OR8H2: variants seen among roughly 807,000 people sequenced by gnomAD.
The protein encoded by OR8H2 is olfactory receptor 8H2.
For synonymous variants in OR8H2, 157 were observed against 139.2 expected (o/e 1.13, Z -0.90); for missense variants, 374 against 371.1 (o/e 1.01, Z -0.06).
Position 56,103,850 on chromosome 11 carries a change from T to A in OR8H2, c.-309T>A, listed in dbSNP as rs1854011823. 6.6e-6 allele frequency: 1 copy of A among 152,090 alleles called. No homozygotes were observed. The highest frequency in any genetic ancestry group is 6.6e-5 in the Admixed American group (1 of 15,248). 9.4% of individuals were successfully genotyped at this position (152,090 alleles called of 1,614,324 possible). On this transcript the variant is annotated 5_prime_UTR_variant, in exon 1 of 2. Transcript: ENST00000313503. ...TACACCAAAATGTAAAAACAACTTA[T>A]CTCAAGTAAAATAAATATTATAAAA...
Position 56,104,991 on chromosome 11 carries a change from C to G in OR8H2, c.-52C>G. The G allele has an allele frequency of 6.8e-7, 1 of 1,459,996 alleles. No homozygotes were observed. Among genetic ancestry groups the G allele is most frequent in the Non-Finnish European group, 9.3e-7 (1 of 1,071,678 alleles). 90.4% of individuals were successfully genotyped at this position (1,459,996 alleles called of 1,614,324 possible). On this transcript the variant is annotated 5_prime_UTR_variant, in exon 2 of 2. Coordinates refer to ENST00000313503, the MANE Select transcript of OR8H2 (RefSeq NM_001386064.1). ...CTTCTCCAGTAGCTGGGATTACAGG[C>G]GCCCCTGCTACGTATCAGCTTTGAT...
chr11:56,104,598 T>C (rs773936457), intron 1 of OR8H2, among the ~76,000 whole-genome samples: 8 of 152,180 alleles, frequency 5.3e-5, no homozygotes, highest in Non-Finnish European at 8.8e-5. Context: ...TAAGGTATAC[T>C]ATTTTCAGGT....
Position 56,107,247 on chromosome 11 carries a change from T to C in OR8H2, c.*1266T>C, listed in dbSNP as rs1334133191. On this transcript the variant is annotated 3_prime_UTR_variant, in exon 2 of 2. Transcript: ENST00000313503. ...CTGGATTTCTGTAATGTGTCAAATG[T>C]GTCAAATTGCTTCTTTGTTAAAATC... 6 of 152,122 alleles carry C rather than the reference T, an allele frequency of 3.9e-5. No homozygotes were observed. The highest frequency in any genetic ancestry group is 2.0e-4 in the Admixed American group (3 of 15,294). The allele number at this position is 152,122 out of a possible 1,614,324, so 9.4% of individuals were successfully genotyped here.
rs760556066 is a variant in OR8H2 at position 56,105,220 on chromosome 11, A to T, written c.178A>T (p.Met60Leu). 1 of 1,614,136 alleles carries T rather than the reference A, an allele frequency of 6.2e-7. No homozygotes were observed. Among genetic ancestry groups the T allele is most frequent in the Admixed American group, 1.7e-5 (1 of 59,998 alleles). ...IRLDLQLHTP[M>L]YFFLTHLSFI... ...CCTGGACCTCCAGCTTCACACTCCC[A>T]TGTATTTTTTCCTTACTCACCTGTC... Residue 60 changes from methionine to leucine, a missense_variant, in exon 2 of 2, where the codon ATG becomes TTG. Physicochemically the swap from Met to Leu is conservative, Grantham distance 15. Coordinates refer to ENST00000313503, the MANE Select transcript of OR8H2 (RefSeq NM_001386064.1).
chr11:56,106,779 T>A lies in OR8H2; in HGVS notation c.*798T>A, dbSNP rs1854060492. On this transcript the variant is annotated 3_prime_UTR_variant, in exon 2 of 2. Transcript: ENST00000313503. ...AATTAAGTTATAGAAAAATAGCCTA[T>A]ATTAAGATAATGTTGGAGAAAATTT... 1 of 152,022 alleles carries A rather than the reference T, an allele frequency of 6.6e-6. No individual in the cohort carries two copies. The highest frequency in any genetic ancestry group is 6.6e-5 in the Admixed American group (1 of 15,266). The allele number at this position is 152,022 out of a possible 1,614,324, so 9.4% of individuals were successfully genotyped here.
chr11:56,104,841 T>G, intron 1 of OR8H2, 31 bp from the exon 2 acceptor site: 1 of 437,402 alleles, frequency 2.3e-6, no homozygotes, highest in Non-Finnish European at 4.0e-6. Context: ...CAGAAAGTTT[T>G]TTTTTGTTTG....
Position 56,106,976 on chromosome 11 carries a change from T to A in OR8H2, c.*995T>A, listed in dbSNP as rs1050228351. On this transcript the variant is annotated 3_prime_UTR_variant, in exon 2 of 2. Transcript: ENST00000313503. ...TGTGCATGTTCTTCTAGATCAATAG[T>A]TTCAAATATGTGCATGTATATAACA... is the stretch of plus-strand genomic sequence containing the variant. 6 of 151,950 alleles carry A rather than the reference T, an allele frequency of 3.9e-5. No individual in the cohort carries two copies. The highest frequency in any genetic ancestry group is 1.4e-4 in the African/African-American group (6 of 41,428). The allele number at this position is 151,950 out of a possible 1,614,324, so 9.4% of individuals were successfully genotyped here.
rs796764435 is a variant in OR8H2, at chr11:56,105,622, A to G, written c.580A>G (p.Asn194Asp). The G allele has an allele frequency of 1.9e-6, 3 of 1,614,150 alleles. No homozygotes were observed. The highest frequency in any genetic ancestry group is 2.5e-6 in the Non-Finnish European group (3 of 1,179,986). Residue 194 changes from asparagine (N) to aspartate (D), a missense_variant, in exon 2 of 2, where the codon AAC becomes GAC. By Grantham distance (23) the Asn-to-Asp change is conservative. Transcript: ENST00000313503. ...ILALSCTDTY[N>D]TEILIFIIVG... ...AGCTCTGTCCTGCACTGATACATAC[A>G]ACACCGAAATCCTGATATTCATTAT...
rs1217116874 is a variant in OR8H2, at chr11:56,103,705, T to C, written c.-454T>C. On this transcript the variant is annotated 5_prime_UTR_variant, in exon 1 of 2. Transcript: ENST00000313503. ...TGAGAGGGAAAGAATAATCTCCTTG[T>C]GGTCACAGTAGCTGCTGGTCTTCTT... 6.6e-6 allele frequency: 1 copy of C among 152,174 alleles called. No individual in the cohort carries two copies. Among genetic ancestry groups the C allele is most frequent in the Non-Finnish European group, 1.5e-5 (1 of 68,046 alleles). 9.4% of individuals were successfully genotyped at this position (152,174 alleles called of 1,614,324 possible).
rs1337049334 is a variant in OR8H2, at chr11:56,106,193, C to T, written c.*212C>T. 2.4e-6 allele frequency: 1 copy of T among 409,244 alleles called. No homozygotes were observed. Among genetic ancestry groups the T allele is most frequent in the African/African-American group, 2.0e-5 (1 of 48,866 alleles). The allele number at this position is 409,244 out of a possible 1,614,324, so 25.4% of individuals were successfully genotyped here. On this transcript the variant is annotated 3_prime_UTR_variant, in exon 2 of 2. Coordinates refer to ENST00000313503, the MANE Select transcript of OR8H2 (RefSeq NM_001386064.1). ...TAATTAGAAATCATAATATGTGTGT[C>T]ATGTTTTCAGTCTACATATATGTGT... is the stretch of plus-strand genomic sequence containing the variant.
In OR8H2 at chr11:56,107,133, C is replaced by T. The variant is rs1479312888; in HGVS notation, c.*1152C>T. On this transcript the variant is annotated 3_prime_UTR_variant, in exon 2 of 2. Coordinates refer to ENST00000313503, the MANE Select transcript of OR8H2 (RefSeq NM_001386064.1). Reference sequence around the variant, plus strand: ...GGTACATGGACAAAATCAAGACTCACTTCACAATGTTTTGGACTTGAAATA... The same window carrying T: ...GGTACATGGACAAAATCAAGACTCATTTCACAATGTTTTGGACTTGAAATA... The T allele has an allele frequency of 2.6e-5, 4 of 151,930 alleles. No individual in the cohort carries two copies. Among genetic ancestry groups the T allele is most frequent in the Non-Finnish European group, 4.4e-5 (3 of 67,832 alleles). The allele number at this position is 151,930 out of a possible 1,614,324, so 9.4% of individuals were successfully genotyped here.
rs1481889186 is a variant in OR8H2, at chr11:56,107,118, C to A, written c.*1137C>A. The A allele has an allele frequency of 1.3e-5, 2 of 151,844 alleles. No homozygotes were observed. The highest frequency in any genetic ancestry group is 2.9e-5 in the Non-Finnish European group (2 of 67,798). The allele number at this position is 151,844 out of a possible 1,614,324, so 9.4% of individuals were successfully genotyped here. A position where few individuals can be genotyped will look rare whatever the true frequency, so the allele number is the denominator to read the frequency against. On this transcript the variant is annotated 3_prime_UTR_variant, in exon 2 of 2. Coordinates refer to ENST00000313503, the MANE Select transcript of OR8H2 (RefSeq NM_001386064.1). ...TATAAATTTTTTCTTGGTACATGGA[C>A]AAAATCAAGACTCACTTCACAATGT...
rs147828358 is a variant in OR8H2, at chr11:56,105,621, C to T, written c.579C>T (p.Tyr193=). The change falls in exon 2 of 2, where the codon TAC becomes TAT. Residue 193 remains tyrosine, a synonymous_variant. Transcript: ENST00000313503. ...TAGCTCTGTCCTGCACTGATACATA[C>T]AACACCGAAATCCTGATATTCATTA... The part of the protein sequence containing the change: ...PILALSCTDT[Y]NTEILIFIIV... 2.5e-6 allele frequency: 4 copies of T among 1,614,112 alleles called. No homozygotes were observed. The highest frequency in any genetic ancestry group is 3.4e-6 in the Non-Finnish European group (4 of 1,179,946).
Position 56,105,403 on chromosome 11 carries a change from G to T in OR8H2, c.361G>T (p.Asp121Tyr). Residue 121 changes from aspartate to tyrosine, a missense_variant, in exon 2 of 2, where the codon GAT becomes TAT. Transcript: ENST00000313503. ...ECYLLSSMAH[D>Y]RYAAICSPLH... ...TTACCTTCTCTCCTCAATGGCCCAT[G>T]ATCGCTATGCAGCGATCTGCAGTCC... The T allele has an allele frequency of 6.2e-7, 1 of 1,614,040 alleles. No homozygotes were observed. Among genetic ancestry groups the T allele is most frequent in the Non-Finnish European group, 8.5e-7 (1 of 1,180,022 alleles).
chr11:56,105,292 G>A lies in OR8H2; in HGVS notation c.250G>A (p.Ala84Thr). The change falls in exon 2 of 2, where the codon GCG becomes ACG. Residue 84 changes from alanine to threonine, a missense_variant. Coordinates refer to ENST00000313503, the MANE Select transcript of OR8H2 (RefSeq NM_001386064.1). ...AACTGTCGTCACACCTAAAACCTTA[G>A]CGAACTTACTGACTTCCAACTATAT... is the stretch of plus-strand genomic sequence containing the variant. Reference protein sequence around the residue: ...YSTVVTPKTLANLLTSNYISF... With the variant: ...YSTVVTPKTLTNLLTSNYISF... The A allele has an allele frequency of 6.2e-7, 1 of 1,614,124 alleles. No individual in the cohort carries two copies. Among genetic ancestry groups the A allele is most frequent in the Non-Finnish European group, 8.5e-7 (1 of 1,180,026 alleles).
rs762809199 is a variant in OR8H2 at position 56,105,372 on chromosome 11, T to G, written c.330T>G (p.Ala110=). 3.1e-6 allele frequency: 5 copies of G among 1,614,098 alleles called. No individual in the cohort carries two copies. In the African/African-American group the frequency reaches 6.7e-5, roughly 22 times the overall value. The change falls in exon 2 of 2, where the codon GCT becomes GCG. Residue 110 remains alanine (A), a synonymous_variant. Transcript: ENST00000313503. ...QMFFFAFLGT[A]ECYLLSSMAH... ...TCTTTTTTGCCTTCTTGGGTACTGC[T>G]GAATGTTACCTTCTCTCCTCAATGG...
At position 56,105,821 on chromosome 11, in the gene OR8H2, T is replaced by A. The variant is rs1565047171; in HGVS notation, c.779T>A (p.Leu260Ter). The change falls in exon 2 of 2, where the codon TTA becomes TAA. Residue 260 changes from leucine to a stop codon, truncating the protein, a stop_gained. Coordinates refer to ENST00000313503, the MANE Select transcript of OR8H2 (RefSeq NM_001386064.1). LOFTEE classifies it low-confidence loss of function (END_TRUNC). ...TATAGCACTCTGATTTTTACTTATT[T>A]AAAACCAAGAAAGTCTTATTCCTTG... ...IFYSTLIFTYLKPRKSYSLGR... is the reference protein window; with the variant it reads ...IFYSTLIFTY 3.1e-6 allele frequency: 5 copies of A among 1,613,734 alleles called. No homozygotes were observed. The highest frequency in any genetic ancestry group is 3.4e-6 in the Non-Finnish European group (4 of 1,179,724).
In OR8H2 at chr11:56,104,849, TTGTTTTTTG is replaced by T; in HGVS notation, c.-171-21_-171-13del. 25 of 396,754 alleles carry T rather than the reference TTGTTTTTTG, an allele frequency of 6.3e-5. No individual in the cohort carries two copies. Among genetic ancestry groups the T allele is most frequent in the Non-Finnish European group, 8.1e-5 (18 of 220,956 alleles). 24.6% of individuals were successfully genotyped at this position (396,754 alleles called of 1,614,324 possible). ...ATATAAACAGAAAGTTTTTTTTTGT[TTGTTTTTTG>T]TTTTTTGAGTCAGAGTCTGGCACAG... On this transcript the variant is annotated splice_polypyrimidine_tract_variant and intron_variant, in intron 1 of 1. Transcript: ENST00000313503.
intron 1 of OR8H2, 84 bp downstream of exon 1, chr11:56,104,071 T>TA: frequency 6.6e-6 from 1 of 152,044 alleles, no homozygotes; most frequent in Non-Finnish European, 1.5e-5. Context: ...CAGAATAATA[T>TA]ATTAATACAT....
Sources: allele counts gnomAD v4.1 joint callset (sites outside exome capture counted in the v4.1 genomes callset), GRCh38; gene constraint gnomAD v4.1.1; transcripts MANE v1.5; gene names NCBI Gene and HGNC (gene_info 2026-07-23, HGNC 2026-07-21).